Variants in ZFP3 observed in about 807,000 individuals in gnomAD.
The protein encoded by ZFP3 is ZFP3 zinc finger protein.
Under a neutral mutation model 36.7 loss-of-function variants are expected in ZFP3, and 18 were observed. The observed-to-expected ratio is 0.49, with a 90% CI of 0.34 to 0.73. The LOEUF (loss-of-function observed/expected upper bound fraction) is 0.73. Among genes scored for constraint, ZFP3 ranks in the 30% least tolerant of loss-of-function variants. The pLI is 0.01. For synonymous variants in ZFP3, 218 were observed against 199.0 expected, an observed-to-expected ratio of 1.10 and a Z score of -0.81; for missense variants, 495 against 599.0, an observed-to-expected ratio of 0.83 and a Z score of 1.81.
At position 5,092,230 on chromosome 17, in the gene ZFP3, ACAC is replaced by A; in HGVS notation, c.729_731del (p.His243del). The A allele has an allele frequency of 6.2e-7, 1 of 1,614,142 alleles. No individual in the cohort carries two copies. The highest frequency in any genetic ancestry group is 2.2e-5 in the East Asian group (1 of 44,872). On this transcript the variant is annotated inframe_deletion, in exon 2 of 2. Transcript: ENST00000318833. This position sits in a 1 kb window ranked among gnomAD's most constrained non-coding sequence, Gnocchi z 5.0. Reference sequence around the variant, plus strand: ...TCAGTCAAAATTCAGCCCTTATTCTACACCAGAGAATCCATACTGGAGAGAAAC... The same window carrying A: ...TCAGTCAAAATTCAGCCCTTATTCTACAGAGAATCCATACTGGAGAGAAAC...
intron 1 of ZFP3, among the ~76,000 whole-genome samples, chr17:5,080,188 G>A (rs2072086234): frequency 6.6e-6 from 1 of 152,148 alleles, no homozygotes; most frequent in Non-Finnish European, 1.5e-5. Flanking sequence ...AATAATATAT[G>A]GAAGTATTTT....
chr17:5,083,284 G>A (rs1271362570), intron 1 of ZFP3, among the ~76,000 whole-genome samples: 10 of 152,090 alleles, frequency 6.6e-5, no homozygotes, highest in African/African-American at 1.7e-4. Flanking sequence ...TAGGCCGGGC[G>A]CAGTGGCTCA....
chr17:5,082,312 A>C (rs1055600380), intron 1 of ZFP3, among the ~76,000 whole-genome samples: 1 of 151,956 alleles, frequency 6.6e-6, no homozygotes, highest in Non-Finnish European at 1.5e-5. Flanking sequence ...ACGCCACTGC[A>C]CTCCAGCCTG....
rs113183956 is a variant in ZFP3 at position 5,091,822 on chromosome 17, A to G, written c.318A>G (p.Gly106=). 1.2e-6 allele frequency: 2 copies of G among 1,614,098 alleles called. No homozygotes were observed. Among genetic ancestry groups the G allele is most frequent in the African/African-American group, 2.7e-5 (2 of 74,940 alleles). ...GCCCAAATCTGGTTACACATCAGGGAGATACAACAGAGGGAGTTAGTGCAT... is the reference window on the plus strand; with the variant it reads ...GCCCAAATCTGGTTACACATCAGGGGGATACAACAGAGGGAGTTAGTGCAT... ...SPSPNLVTHQ[G]DTTEGVSAFA... The change falls in exon 2 of 2, where the codon GGA becomes GGG. Residue 106 remains glycine (G), a synonymous_variant. Coordinates refer to ENST00000318833, the MANE Select transcript of ZFP3 (RefSeq NM_153018.3).
At position 5,093,560 on chromosome 17, in the gene ZFP3, TG is replaced by T. The variant is rs2072162679; in HGVS notation, c.*548del. The T allele has an allele frequency of 6.0e-6, 1 of 167,168 alleles. No homozygotes were observed. The highest frequency in any genetic ancestry group is 2.4e-5 in the African/African-American group (1 of 41,452). 10.4% of individuals were successfully genotyped at this position (167,168 alleles called of 1,614,324 possible). On this transcript the variant is annotated 3_prime_UTR_variant, in exon 2 of 2. Transcript: ENST00000318833. ...TAAGAATGAGAGTTGACTCATTGACTGTTACCCCCTGAAATATTAGAAAGTC... is the reference window on the plus strand; with the variant it reads ...TAAGAATGAGAGTTGACTCATTGACTTTACCCCCTGAAATATTAGAAAGTC...
Position 5,091,837 on chromosome 17 carries a change from A to C in ZFP3, c.333A>C (p.Gly111=). 1.2e-6 allele frequency: 2 copies of C among 1,614,206 alleles called. No homozygotes were observed. The highest frequency in any genetic ancestry group is 1.7e-6 in the Non-Finnish European group (2 of 1,180,042). ...LVTHQGDTTE[G]VSAFATSGQN... ...CACATCAGGGAGATACAACAGAGGG[A>C]GTTAGTGCATTTGCTACCTCTGGCC... The change falls in exon 2 of 2, where the codon GGA becomes GGC. Residue 111 remains glycine (G), a synonymous_variant. Coordinates refer to ENST00000318833, the MANE Select transcript of ZFP3 (RefSeq NM_153018.3).
chr17:5,087,712 G>A (rs1306915647), intron 1 of ZFP3, among the ~76,000 whole-genome samples: 8 of 152,122 alleles, frequency 5.3e-5, no homozygotes, highest in African/African-American at 1.7e-4. Flanking sequence ...CTACTGAGTA[G>A]GATAGAGTTG....
chr17:5,087,277 T>A (rs147120514), intron 1 of ZFP3, among the ~76,000 whole-genome samples: 2,955 of 151,618 alleles, frequency 0.019, 92 homozygotes, highest in African/African-American at 0.068. Flanking sequence ...GGGGTCTTGC[T>A]ATGTTTCCCA....
In ZFP3 at chr17:5,078,522, C is replaced by T. The variant is rs950548863; in HGVS notation, c.-62C>T. On this transcript the variant is annotated 5_prime_UTR_variant, in exon 1 of 2. An upstream open reading frame in the 5' UTR gains an earlier in-frame stop. Coordinates refer to ENST00000318833, the MANE Select transcript of ZFP3 (RefSeq NM_153018.3). This position sits in a 1 kb window ranked among gnomAD's most constrained non-coding sequence, Gnocchi z 4.5. ...AGCTGCGGGCTCTGTGCGAGCGGCC[C>T]AGCAGCGCGGAGCCTCAGCGGAGTG... 3.3e-5 allele frequency: 5 copies of T among 152,302 alleles called. No homozygotes were observed. Among genetic ancestry groups the T allele is most frequent in the Non-Finnish European group, 7.3e-5 (5 of 68,122 alleles). 9.4% of individuals were successfully genotyped at this position (152,302 alleles called of 1,614,324 possible). A position where few individuals can be genotyped will look rare whatever the true frequency, so the allele number is the denominator to read the frequency against.
chr17:5,079,958 G>T (rs1040950261), intron 1 of ZFP3, among the ~76,000 whole-genome samples: 1 of 152,112 alleles, frequency 6.6e-6, no homozygotes, highest in Non-Finnish European at 1.5e-5. Context: ...AGAATCGCCT[G>T]AGCCTGGGAG....
intron 1 of ZFP3, among the ~76,000 whole-genome samples, chr17:5,085,120 A>G (rs1414812210): frequency 6.6e-6 from 1 of 152,004 alleles, no homozygotes; most frequent in East Asian, 1.9e-4. Context: ...GCTCACTACA[A>G]CTTGTGCCTC....
rs536442451 is a variant in ZFP3, at chr17:5,087,546, G to A, written c.-8-3951G>A. Among the ~76,000 whole-genome samples the A allele has an allele frequency of 4.9e-4, 75 of 152,154 alleles. 1 individual carries two copies. Among genetic ancestry groups the A allele is most frequent in the African/African-American group, 1.7e-3 (69 of 41,498 alleles). On this transcript the variant is annotated intron_variant, in intron 1 of 1. Transcript: ENST00000318833. ...ACAGGAAACAGCTCACTCAAATTAGGATAATTTGAGGAGGGTTTATTTGCA... is the reference window on the plus strand; with the variant it reads ...ACAGGAAACAGCTCACTCAAATTAGAATAATTTGAGGAGGGTTTATTTGCA...
intron 1 of ZFP3, among the ~76,000 whole-genome samples, chr17:5,091,266 T>C (rs2072148169): frequency 6.6e-6 from 1 of 151,964 alleles, no homozygotes; most frequent in Non-Finnish European, 1.5e-5. Context: ...TTTTTTTGTT[T>C]TGAGAGGGTC....
chr17:5,092,694 A>T lies in ZFP3; in HGVS notation c.1190A>T (p.Glu397Val), dbSNP rs2072156922. Residue 397 changes from glutamate to valine, a missense_variant, in exon 2 of 2, where the codon GAG becomes GTG. Transcript: ENST00000318833. This position sits in a 1 kb window ranked among gnomAD's most constrained non-coding sequence, Gnocchi z 5.0. The stretch of plus-strand genomic sequence containing the variant: ...GGAGAGAAACCCTATGAATGCTTTG[A>T]GTGTGGAAAGGCTTTCAGGCGGACC... The part of the protein sequence containing the change: ...HTGEKPYECF[E>V]CGKAFRRTSH... 1 of 1,614,194 alleles carries T rather than the reference A, an allele frequency of 6.2e-7. No homozygotes were observed. The highest frequency in any genetic ancestry group is 8.5e-7 in the Non-Finnish European group (1 of 1,180,032).
rs2072079649 is a variant in ZFP3 at position 5,078,944 on chromosome 17, C to G, written c.-9+369C>G. ...ACGAAATGGCGGGCAGTGTCACAAA[C>G]TTAACGCCCTAGTGGCAGATTGTGC... On this transcript the variant is annotated intron_variant, in intron 1 of 1. Coordinates refer to ENST00000318833, the MANE Select transcript of ZFP3 (RefSeq NM_153018.3). This position sits in a 1 kb window ranked among gnomAD's most constrained non-coding sequence, Gnocchi z 4.5. Among the ~76,000 whole-genome samples the G allele has an allele frequency of 6.6e-6, 1 of 152,202 alleles. No individual in the cohort carries two copies. The highest frequency in any genetic ancestry group is 6.5e-5 in the Admixed American group (1 of 15,276).
At position 5,091,737 on chromosome 17, in the gene ZFP3, A is replaced by G. The variant is rs760649219; in HGVS notation, c.233A>G (p.Lys78Arg). 6.2e-6 allele frequency: 10 copies of G among 1,614,090 alleles called. No individual in the cohort carries two copies. The highest frequency in any genetic ancestry group is 2.7e-5 in the African/African-American group (2 of 74,916). The change falls in exon 2 of 2, where the codon AAA becomes AGA. Residue 78 changes from lysine (K) to arginine (R), a missense_variant. Around this residue, in one of 3 missense-constraint regions of ZFP3, gnomAD observed 229 missense variants for 233.8 expected, o/e 0.98. Transcript: ENST00000318833. ...DFPSGLMIFK[K>R]SPSSEKDREN... is the part of the protein sequence containing the mutation. ...CCATCAGGGTTGATGATCTTTAAGA[A>G]ATCACCCTCAAGTGAGAAAGACCGG...
intron 1 of ZFP3, among the ~76,000 whole-genome samples, chr17:5,086,700 AT>A (rs1447815092): frequency 9.2e-6 from 1 of 108,844 alleles, no homozygotes; most frequent in Non-Finnish European, 1.9e-5. Context: ...GTGACTATCT[AT>A]TGTCTCAGTA....
rs1473913199 is a variant in ZFP3 at position 5,091,840 on chromosome 17, T to C, written c.336T>C (p.Val112=). ...VTHQGDTTEG[V]SAFATSGQNF... is the part of the protein sequence containing the mutation. ...ATCAGGGAGATACAACAGAGGGAGT[T>C]AGTGCATTTGCTACCTCTGGCCAAA... Residue 112 remains valine (V), a synonymous_variant, in exon 2 of 2, where the codon GTT becomes GTC. Transcript: ENST00000318833. 6 of 1,614,204 alleles carry C rather than the reference T, an allele frequency of 3.7e-6. No individual in the cohort carries two copies. Among genetic ancestry groups the C allele is most frequent in the Non-Finnish European group, 5.1e-6 (6 of 1,180,036 alleles).
rs58911709 is a variant in ZFP3, at chr17:5,082,651, C to T, written c.-9+4076C>T. 5.8e-3 allele frequency among the ~76,000 whole-genome samples: 878 copies of T among 152,188 alleles called. 67 individuals are homozygous for T. The East Asian group carries it at 0.15, about 25-fold the overall frequency. On this transcript the variant is annotated intron_variant, in intron 1 of 1. Transcript: ENST00000318833. ...CAGGTGATCCTCCCACCTCAGCTGCCCAGGTAGCTTGGGATTATAGGCATT... is the reference window on the plus strand; with the variant it reads ...CAGGTGATCCTCCCACCTCAGCTGCTCAGGTAGCTTGGGATTATAGGCATT...
Sources: gnomAD v4.1 joint callset for allele counts (sites outside exome capture counted in the v4.1 genomes callset) on GRCh38, gnomAD v4.1.1 for gene constraint, gnomAD v4.1.1 regional missense constraint, Gnocchi (gnomAD v3.1) non-coding constraint, MANE v1.5 for transcripts, NCBI Gene and HGNC (gene_info 2026-07-23, HGNC 2026-07-21) for gene names.